Variants in NEDD4 observed in about 807,000 individuals in gnomAD.
NEDD4 encodes the protein E3 ubiquitin-protein ligase NEDD4.
Under a neutral mutation model 144.9 loss-of-function variants are expected in NEDD4, and 99 were observed. The ratio of observed to expected loss-of-function variants is 0.68; its 90% CI spans 0.58 to 0.81. The LOEUF (loss-of-function observed/expected upper bound fraction) is 0.81, where lower values mean the gene tolerates loss of function less well. NEDD4 is among the 30% of genes least tolerant of loss of function. The pLI, the probability that NEDD4 is intolerant of heterozygous loss-of-function variation, is 0.00. For synonymous variants in NEDD4, 318 were observed against 350.6 expected, an observed-to-expected ratio of 0.91 and a Z score of 1.04; for missense variants, 985 against 1,065.9, an observed-to-expected ratio of 0.92 and a Z score of 1.06.
At chr15:55,836,894 A>G (rs2033230203) in intron 24 of NEDD4, among the ~76,000 whole-genome samples, 1 of 152,054 alleles carries the variant, frequency 6.6e-6, no homozygotes, top group African/African-American at 2.4e-5. Context: ...CCTGGGCTCA[A>G]GCAATCCTCC....
At chr15:55,916,037 G>A in intron 5 of NEDD4, 1 of 1,613,900 alleles carries the variant, frequency 6.2e-7, no homozygotes, top group Non-Finnish European at 8.5e-7. Flanking sequence ...AAATGACTAA[G>A]GAGGAGTAAC....
intron 18 of NEDD4, among the ~76,000 whole-genome samples, chr15:55,845,363 T>G (rs1288828076): frequency 1.3e-5 from 2 of 152,178 alleles, no homozygotes; most frequent in African/African-American, 2.4e-5. Flanking sequence ...CTTGATCACA[T>G]TACCTATTCT....
chr15:55,905,139 T>G, intron 5 of NEDD4: 2 of 336,070 alleles, frequency 6.0e-6, no homozygotes, highest in South Asian at 4.4e-5. Context: ...TTTCATTTAC[T>G]GCAAATGAAT....
intron 8 of NEDD4, among the ~76,000 whole-genome samples, chr15:55,867,720 A>C (rs1048958100): frequency 6.6e-6 from 1 of 152,326 alleles, no homozygotes. Context: ...TTCTTTGATC[A>C]CCAAACCAGG....
At chr15:55,912,587 A>C (rs1308045720) in intron 5 of NEDD4, among the ~76,000 whole-genome samples, 2 of 152,158 alleles carry the variant, frequency 1.3e-5, no homozygotes, top group East Asian at 3.8e-4. Context: ...CTAACAACAT[A>C]ACATAGGAGA....
At chr15:55,892,577 T>A (rs1337947962) in intron 5 of NEDD4, among the ~76,000 whole-genome samples, 7 of 152,210 alleles carry the variant, frequency 4.6e-5, no homozygotes, top group African/African-American at 1.7e-4. Flanking sequence ...GAACATTTTT[T>A]AAAAAGTAAT....
At chr15:55,932,159 G>A (rs1476725099) in intron 4 of NEDD4, among the ~76,000 whole-genome samples, 2 of 152,136 alleles carry the variant, frequency 1.3e-5, no homozygotes, top group Non-Finnish European at 2.9e-5. Flanking sequence ...TGCTGTTTTC[G>A]TGATAGTGAG....
In NEDD4 at chr15:55,971,340, T is replaced by C. The variant is rs535249543; in HGVS notation, c.46-4794A>G. Among the ~76,000 whole-genome samples the C allele has an allele frequency of 3.3e-5, 5 of 152,140 alleles. No individual in the cohort carries two copies. The East Asian group carries it at 5.8e-4, about 18-fold the overall frequency. ...CTCAAAAGGGCAAAGTTAACAGTTA[T>C]TGGGCCGGGCATGGTGGCTCATGCC... On this transcript the variant is annotated intron_variant, in intron 1 of 28. Transcript: ENST00000435532.
At chr15:55,942,024 A>ATGATT (rs2037015590) in intron 4 of NEDD4, among the ~76,000 whole-genome samples, 1 of 151,844 alleles carries the variant, frequency 6.6e-6, no homozygotes, top group African/African-American at 2.4e-5. Context: ...ACAGGTTAAC[A>ATGATT]TGATTGGTAG....
At chr15:55,841,813 C>T (rs1011669652) in intron 19 of NEDD4, 121 bp downstream of exon 19, 76 of 742,296 alleles carry the variant, frequency 1.0e-4, no homozygotes, top group Non-Finnish European at 8.0e-5. Context: ...CCTTGTGATC[C>T]GCCCGCCTCG....
chr15:55,864,485 C>T (rs372315897), intron 8 of NEDD4, among the ~76,000 whole-genome samples: 109 of 151,796 alleles, frequency 7.2e-4, no homozygotes, highest in African/African-American at 2.6e-3. Context: ...AGTTTGAGAC[C>T]AGCCTGACCA....
intron 5 of NEDD4, among the ~76,000 whole-genome samples, chr15:55,876,196 T>C (rs1566926777): frequency 6.6e-6 from 1 of 152,148 alleles, no homozygotes; most frequent in Non-Finnish European, 1.5e-5. Flanking sequence ...TACTTTCGGA[T>C]AAAGTAGAGA....
At chr15:55,944,874 TG>T (rs1435334291) in intron 4 of NEDD4, among the ~76,000 whole-genome samples, 1 of 152,172 alleles carries the variant, frequency 6.6e-6, no homozygotes, top group Non-Finnish European at 1.5e-5. Flanking sequence ...AAACAGGGTC[TG>T]GAGTGGACCT....
intron 5 of NEDD4, among the ~76,000 whole-genome samples, chr15:55,908,977 G>A (rs1017355715): frequency 1.2e-4 from 18 of 152,224 alleles, no homozygotes; most frequent in African/African-American, 4.3e-4. Flanking sequence ...ACTTAACTAA[G>A]TTTAGTTATA....
At position 55,936,406 on chromosome 15, in the gene NEDD4, T is replaced by A. The variant is rs191325332; in HGVS notation, c.238-11707A>T. 1.1e-3 allele frequency among the ~76,000 whole-genome samples: 165 copies of A among 151,426 alleles called. 1 individual carries two copies. The highest frequency in any genetic ancestry group is 1.4e-3 in the Non-Finnish European group (97 of 67,906). The stretch of plus-strand genomic sequence containing the variant: ...TATGTAGGTAAGTTTTTTCCCCCTA[T>A]CCATAAAAATACAAAAGAAAAAAAA... On this transcript the variant is annotated intron_variant, in intron 4 of 28. Coordinates refer to ENST00000435532, the MANE Select transcript of NEDD4 (RefSeq NM_006154.4).
Position 55,829,670 on chromosome 15 carries a change from ACCT to A in NEDD4, c.*224_*226del. 1 of 401,306 alleles carries A rather than the reference ACCT, an allele frequency of 2.5e-6. No individual in the cohort carries two copies. Among genetic ancestry groups the A allele is most frequent in the South Asian group, 3.2e-5 (1 of 31,424 alleles). The allele number at this position is 401,306 out of a possible 1,614,324, so 24.9% of individuals were successfully genotyped here. A position where few individuals can be genotyped will look rare whatever the true frequency, so the allele number is the denominator to read the frequency against. ...TGGTGGTGCCTGGCTTTAGGCAGGC[ACCT>A]AACTCTAAAGACAGCATGAAACAAC... On this transcript the variant is annotated 3_prime_UTR_variant, in exon 29 of 29. Coordinates refer to ENST00000435532, the MANE Select transcript of NEDD4 (RefSeq NM_006154.4).
chr15:55,884,078 C>T (rs1199574719), intron 5 of NEDD4, among the ~76,000 whole-genome samples: 2 of 152,114 alleles, frequency 1.3e-5, no homozygotes, highest in Non-Finnish European at 1.5e-5. Context: ...TTGGGTTTCA[C>T]CATGTTGGCC....
chr15:55,958,612 G>A (rs2037376412), intron 2 of NEDD4, among the ~76,000 whole-genome samples: 1 of 151,908 alleles, frequency 6.6e-6, no homozygotes, highest in Non-Finnish European at 1.5e-5. Flanking sequence ...ATGTGGGCCT[G>A]GAGTTTTCTT....
chr15:55,899,266 G>A (rs1047452557), intron 5 of NEDD4, among the ~76,000 whole-genome samples: 36 of 152,014 alleles, frequency 2.4e-4, no homozygotes, highest in African/African-American at 8.7e-4. Flanking sequence ...TCTATAAAAA[G>A]TTTTACTTTT....
Sources: gnomAD v4.1 joint callset for allele counts (sites outside exome capture counted in the v4.1 genomes callset) on GRCh38, gnomAD v4.1.1 for gene constraint, MANE v1.5 for transcripts, NCBI Gene and HGNC (gene_info 2026-07-23, HGNC 2026-07-21) for gene names.